The following ABAT variants were observed in gnomAD, a reference collection of about 807,000 sequenced individuals.
ABAT encodes the protein 4-aminobutyrate aminotransferase.
ABAT carries 45 observed loss-of-function variants against 64.6 expected under a neutral mutation model. The observed-to-expected ratio is 0.70, with a 90% CI of 0.55 to 0.89. ABAT has a LOEUF of 0.89. ABAT is among the 40% of genes least tolerant of loss of function. The pLI, the probability that ABAT is intolerant of heterozygous loss-of-function variation, is 0.00. For missense variants in ABAT, 633 were observed against 658.4 expected (o/e 0.96, Z 0.42); for synonymous variants, 297 against 250.5 (o/e 1.19, Z -1.75).
chr16:8,781,207 A>G lies in ABAT; in HGVS notation c.1382-102A>G. 1 of 1,563,628 alleles carries G rather than the reference A, an allele frequency of 6.4e-7. No homozygotes were observed. Among genetic ancestry groups the G allele is most frequent in the Admixed American group, 1.7e-5 (1 of 59,932 alleles). On this transcript the variant is annotated intron_variant, in intron 15 of 15. Transcript: ENST00000268251. The surrounding 1 kb of genome is among the most constrained non-coding windows in gnomAD (Gnocchi z 4.5). ...TGGAGGATGATGGATGGATGGATGG[A>G]TGGATGGATGAGCGTTGCCAACAGG...
chr16:8,684,584 T>C (rs1438509941), intron 1 of ABAT, among the ~76,000 whole-genome samples: 1 of 151,918 alleles, frequency 6.6e-6, no homozygotes, highest in African/African-American at 2.4e-5. Context: ...CCAGGTGTGG[T>C]AATGTGCACC....
At chr16:8,762,883 G>A (rs1270435720) in intron 6 of ABAT, among the ~76,000 whole-genome samples, 1 of 152,146 alleles carries the variant, frequency 6.6e-6, no homozygotes, top group East Asian at 1.9e-4. Context: ...GAGGCAGGCA[G>A]ATCACTTGAG....
chr16:8,687,944 G>T (rs1035339068), intron 1 of ABAT, among the ~76,000 whole-genome samples: 5 of 151,914 alleles, frequency 3.3e-5, no homozygotes, highest in African/African-American at 1.2e-4. Context: ...TGTTGCTCAA[G>T]CTGGAGTGCA....
chr16:8,771,555 A>C (rs1456533490), intron 11 of ABAT, among the ~76,000 whole-genome samples: 1 of 145,856 alleles, frequency 6.9e-6, no homozygotes, highest in Non-Finnish European at 1.5e-5. Flanking sequence ...TGCAACTTCT[A>C]CCTCCTGGGT....
At chr16:8,738,020 A>AGAAAGAAAGAAAGAAAG (rs1567295862) in intron 2 of ABAT, among the ~76,000 whole-genome samples, 6 of 126,358 alleles carry the variant, frequency 4.7e-5, no homozygotes, top group Admixed American at 8.0e-5. Context: ...AAGAAAGGAA[A>AGAAAGAAAGAAAGAAAG]GAAAGAAAGA....
chr16:8,694,871 G>T (rs1231457453), intron 1 of ABAT, among the ~76,000 whole-genome samples: 1 of 152,218 alleles, frequency 6.6e-6, no homozygotes, highest in African/African-American at 2.4e-5. Flanking sequence ...GAGAAGGAAG[G>T]CAGGCCGCCG....
At chr16:8,703,268 G>C (rs182241459) in intron 1 of ABAT, among the ~76,000 whole-genome samples, 2 of 151,784 alleles carry the variant, frequency 1.3e-5, no homozygotes, top group African/African-American at 4.8e-5. Context: ...AGTTTCGGCC[G>C]ACATGGCGAA....
chr16:8,690,964 A>G (rs1489140040), intron 1 of ABAT, among the ~76,000 whole-genome samples: 1 of 152,168 alleles, frequency 6.6e-6, no homozygotes, highest in African/African-American at 2.4e-5. Flanking sequence ...CCAGGAGTTA[A>G]CACTGCTTCA....
chr16:8,682,127 G>A (rs2057348067), intron 1 of ABAT, among the ~76,000 whole-genome samples: 1 of 151,872 alleles, frequency 6.6e-6, no homozygotes, highest in Non-Finnish European at 1.5e-5. Context: ...TCACCGGTTA[G>A]AGGCTAAGAC....
chr16:8,751,600 C>G (rs914131796), intron 5 of ABAT, among the ~76,000 whole-genome samples: 2 of 152,180 alleles, frequency 1.3e-5, no homozygotes, highest in African/African-American at 4.8e-5. Context: ...CTTTTTATGA[C>G]CCTTCACCAG....
intron 1 of ABAT, among the ~76,000 whole-genome samples, chr16:8,715,938 G>C (rs1383370989): frequency 6.6e-6 from 1 of 152,172 alleles, no homozygotes; most frequent in Non-Finnish European, 1.5e-5. Flanking sequence ...TAATTCAGAA[G>C]ACAGATAATA....
intron 1 of ABAT, among the ~76,000 whole-genome samples, chr16:8,677,523 G>C (rs2057232065): frequency 6.6e-6 from 1 of 152,180 alleles, no homozygotes; most frequent in Admixed American, 6.5e-5. Context: ...TCAGAAAAGA[G>C]ACAGGTCTAG....
intron 1 of ABAT, chr16:8,715,614 T>C (rs952514319): frequency 8.6e-6 from 1 of 116,188 alleles, no homozygotes. Context: ...GCCTAGGTGA[T>C]AGAGCGAGAC....
chr16:8,706,268 G>C (rs2057940221), intron 1 of ABAT, among the ~76,000 whole-genome samples: 1 of 150,946 alleles, frequency 6.6e-6, no homozygotes, highest in South Asian at 2.1e-4. Flanking sequence ...AAATTAGCCA[G>C]GCATGGTGGC....
At chr16:8,740,995 G>A (rs571832955) in intron 2 of ABAT, among the ~76,000 whole-genome samples, 5 of 152,316 alleles carry the variant, frequency 3.3e-5, no homozygotes, top group African/African-American at 9.6e-5. Context: ...CACGACATTC[G>A]TTTATCACTC....
intron 1 of ABAT, among the ~76,000 whole-genome samples, chr16:8,703,664 G>A (rs957869188): frequency 2.6e-5 from 4 of 152,158 alleles, no homozygotes; most frequent in Non-Finnish European, 4.4e-5. Context: ...GTCTGTGTCC[G>A]TTCTCTAAAA....
intron 1 of ABAT, among the ~76,000 whole-genome samples, chr16:8,733,673 C>T (rs531108294): frequency 1.3e-5 from 2 of 151,952 alleles, no homozygotes; most frequent in East Asian, 3.9e-4. Context: ...CCACCAAAAC[C>T]AGTCAGGCGT....
At chr16:8,724,227 C>A (rs11643578) in intron 1 of ABAT, among the ~76,000 whole-genome samples, 1 of 151,820 alleles carries the variant, frequency 6.6e-6, no homozygotes, top group Non-Finnish European at 1.5e-5. Context: ...GTGCACATAA[C>A]AGACATCACT....
chr16:8,763,061 A>T (rs1334341073), intron 6 of ABAT, among the ~76,000 whole-genome samples: 1 of 150,364 alleles, frequency 6.7e-6, no homozygotes, highest in Non-Finnish European at 1.5e-5. Flanking sequence ...GTAAGCTGAT[A>T]TCACGCTACT....
Sources: gnomAD v4.1 joint callset for allele counts (sites outside exome capture counted in the v4.1 genomes callset) on GRCh38, gnomAD v4.1.1 for gene constraint, Gnocchi (gnomAD v3.1) non-coding constraint, MANE v1.5 for transcripts, NCBI Gene and HGNC (gene_info 2026-07-23, HGNC 2026-07-21) for gene names.